Variants in GLRA3 observed in about 807,000 individuals in gnomAD.
GLRA3 encodes the protein glycine receptor subunit alpha-3.
In GLRA3, 44 loss-of-function variants were observed where a neutral mutation model predicts 60.4. The observed-to-expected ratio is 0.73, with a 90% CI of 0.57 to 0.94. The LOEUF (loss-of-function observed/expected upper bound fraction) is 0.94. GLRA3 is among the 40% of genes least tolerant of loss of function. The pLI is 0.00. For missense variants in GLRA3, 508 were observed against 564.6 expected, an observed-to-expected ratio of 0.90 and a Z score of 1.02; for synonymous variants, 223 against 192.9, an observed-to-expected ratio of 1.16 and a Z score of -1.29.
chr4:174,712,752 G>T (rs1735759327), intron 5 of GLRA3: 1 of 151,856 alleles, frequency 6.6e-6, no homozygotes, highest in South Asian at 2.1e-4. Context: ...ACTTTCCAGT[G>T]GGTTCCACCG....
intron 3 of GLRA3, among the ~76,000 whole-genome samples, chr4:174,749,393 G>T (rs1459257148): frequency 6.6e-6 from 1 of 152,120 alleles, no homozygotes; most frequent in Non-Finnish European, 1.5e-5. Context: ...AGGAGTTGTG[G>T]GAATAGGCAC....
chr4:174,652,330 A>C (rs1733049483), intron 9 of GLRA3, among the ~76,000 whole-genome samples: 1 of 152,098 alleles, frequency 6.6e-6, no homozygotes, highest in African/African-American at 2.4e-5. Flanking sequence ...AGAACTTTTG[A>C]CTCAGAGACA....
chr4:174,701,197 C>T (rs79782895), intron 5 of GLRA3, among the ~76,000 whole-genome samples: 2,830 of 152,244 alleles, frequency 0.019, 42 homozygotes, highest in Middle Eastern at 0.071. Flanking sequence ...GCTGATGACT[C>T]TAAGTTGAAG....
chr4:174,807,232 A>C lies in GLRA3; in HGVS notation c.72-18289T>G, dbSNP rs1740088012. ...ATAAACTTGGTCTCTTATACCATGAAAATAACTTACAGATAAATTAAATCT... is the reference window on the plus strand; with the variant it reads ...ATAAACTTGGTCTCTTATACCATGACAATAACTTACAGATAAATTAAATCT... On this transcript the variant is annotated intron_variant, in intron 1 of 9. Transcript: ENST00000274093. Among the ~76,000 whole-genome samples, 3 of 152,020 alleles carry C rather than the reference A, an allele frequency of 2.0e-5. No individual in the cohort carries two copies. In the South Asian group the frequency reaches 6.2e-4, roughly 32 times the overall value.
At chr4:174,803,454 T>C (rs1348152599) in intron 1 of GLRA3, among the ~76,000 whole-genome samples, 1 of 152,148 alleles carries the variant, frequency 6.6e-6, no homozygotes, top group Non-Finnish European at 1.5e-5. Flanking sequence ...GATAATAAAA[T>C]GTAAGGTACC....
intron 1 of GLRA3, among the ~76,000 whole-genome samples, chr4:174,822,809 T>C (rs766084925): frequency 2.1e-4 from 32 of 152,222 alleles, no homozygotes; most frequent in Non-Finnish European, 4.3e-4. Context: ...CTTTAAATTG[T>C]ATGCTATTCC....
intron 4 of GLRA3, 61 bp downstream of exon 4, chr4:174,728,414 A>G (rs772962936): frequency 1.1e-6 from 1 of 941,764 alleles, no homozygotes; most frequent in African/African-American, 1.6e-5. Context: ...AAACAAACCA[A>G]CCAACAATAC....
chr4:174,813,260 C>G (rs1017260581), intron 1 of GLRA3, among the ~76,000 whole-genome samples: 3 of 152,076 alleles, frequency 2.0e-5, no homozygotes, highest in African/African-American at 7.2e-5. Flanking sequence ...TATTTTTTCT[C>G]TAGAAAAGTC....
intron 5 of GLRA3, among the ~76,000 whole-genome samples, chr4:174,708,163 AC>A (rs1735581794): frequency 1.3e-5 from 2 of 152,278 alleles, no homozygotes; most frequent in Admixed American, 6.5e-5. Flanking sequence ...CAGTATCCAA[AC>A]TTTTAAATTA....
At chr4:174,827,667 A>G (rs1278845691) in intron 1 of GLRA3, among the ~76,000 whole-genome samples, 1 of 152,024 alleles carries the variant, frequency 6.6e-6, no homozygotes, top group Non-Finnish European at 1.5e-5. Context: ...ATAATTTCAG[A>G]AATAATAACC....
intron 1 of GLRA3, among the ~76,000 whole-genome samples, chr4:174,823,229 A>C (rs1740816764): frequency 9.8e-6 from 1 of 102,406 alleles, no homozygotes; most frequent in Non-Finnish European, 2.2e-5. Context: ...ATAAAAAAAC[A>C]AAAAACTAAA....
intron 1 of GLRA3, among the ~76,000 whole-genome samples, chr4:174,798,261 T>A (rs1336412821): frequency 1.3e-5 from 2 of 152,188 alleles, no homozygotes; most frequent in Non-Finnish European, 2.9e-5. Context: ...AAAGAGAGTT[T>A]ACTATGTATT....
intron 1 of GLRA3, among the ~76,000 whole-genome samples, chr4:174,805,602 A>G (rs1740014861): frequency 6.6e-6 from 1 of 152,146 alleles, no homozygotes; most frequent in Admixed American, 6.5e-5. Flanking sequence ...ATTCAGAGCT[A>G]GGACACCTAC....
Position 174,641,648 on chromosome 4 carries a change from GAC to G in GLRA3, c.*2136_*2137del, listed in dbSNP as rs1732627006. ...CTTTCTAAGTTTCTGATTTAACAAA[GAC>G]ACATTTATAATATTCTCAAATATGG... On this transcript the variant is annotated 3_prime_UTR_variant, in exon 10 of 10. Transcript: ENST00000274093. 1 of 151,962 alleles carries G rather than the reference GAC, an allele frequency of 6.6e-6. No individual in the cohort carries two copies. Among genetic ancestry groups the G allele is most frequent in the Non-Finnish European group, 1.5e-5 (1 of 67,910 alleles). The allele number at this position is 151,962 out of a possible 1,614,324, so 9.4% of individuals were successfully genotyped here.
At chr4:174,827,101 A>G (rs1438034767) in intron 1 of GLRA3, among the ~76,000 whole-genome samples, 5 of 151,976 alleles carry the variant, frequency 3.3e-5, no homozygotes, top group Non-Finnish European at 7.4e-5. Context: ...ATGTCTTTTC[A>G]AAGAAGTACA....
chr4:174,650,089 G>T (rs1157034646), intron 9 of GLRA3, among the ~76,000 whole-genome samples: 1 of 152,100 alleles, frequency 6.6e-6, no homozygotes, highest in African/African-American at 2.4e-5. Context: ...ATCCAGATAA[G>T]GTGCAAGGTC....
At chr4:174,782,287 T>C (rs1235529447) in intron 2 of GLRA3, among the ~76,000 whole-genome samples, 1 of 151,716 alleles carries the variant, frequency 6.6e-6, no homozygotes, top group Middle Eastern at 3.2e-3. Context: ...CTAAAAACTC[T>C]CTATAAATTA....
intron 1 of GLRA3, among the ~76,000 whole-genome samples, chr4:174,809,326 A>G (rs1319245721): frequency 6.6e-6 from 1 of 152,164 alleles, no homozygotes; most frequent in African/African-American, 2.4e-5. Flanking sequence ...AGTACACTCT[A>G]TGATGTTCAT....
chr4:174,759,762 A>C (rs1440462823), intron 3 of GLRA3, among the ~76,000 whole-genome samples: 1 of 152,164 alleles, frequency 6.6e-6, no homozygotes, highest in Non-Finnish European at 1.5e-5. Flanking sequence ...CGACCCATTA[A>C]ATTTCATTAC....
Sources: gnomAD v4.1 joint callset for allele counts (sites outside exome capture counted in the v4.1 genomes callset) on GRCh38, gnomAD v4.1.1 for gene constraint, MANE v1.5 for transcripts, NCBI Gene and HGNC (gene_info 2026-07-23, HGNC 2026-07-21) for gene names.